DTD1: variants seen among roughly 807,000 people sequenced by gnomAD.
DTD1 encodes D-tyrosyl-tRNA deacylase 1 homolog.
In DTD1, 13 loss-of-function variants were observed where a neutral mutation model predicts 25.6. The ratio of observed to expected loss-of-function variants is 0.51; its 90% CI spans 0.33 to 0.81. The LOEUF (loss-of-function observed/expected upper bound fraction) is 0.81. DTD1 is among the 30% of genes least tolerant of loss of function. DTD1 has a pLI of 0.02. For synonymous variants in DTD1, 110 were observed against 103.6 expected, an observed-to-expected ratio of 1.06 and a Z score of -0.37; for missense variants, 193 against 266.4, an observed-to-expected ratio of 0.72 and a Z score of 1.92.
intron 5 of DTD1, among the ~76,000 whole-genome samples, chr20:18,754,318 CA>C (rs1262047735): frequency 2.0e-5 from 3 of 152,198 alleles, no homozygotes; most frequent in African/African-American, 7.2e-5. Flanking sequence ...ACTACTACAG[CA>C]GGTGGAGGAA....
chr20:18,603,172 A>G (rs2060642535), intron 3 of DTD1, among the ~76,000 whole-genome samples: 2 of 100,872 alleles, frequency 2.0e-5, no homozygotes, highest in African/African-American at 7.0e-5. Context: ...CAAAAGAGAC[A>G]AAGAAGGCCA....
intron 4 of DTD1, among the ~76,000 whole-genome samples, chr20:18,676,237 C>A (rs2060973962): frequency 6.6e-6 from 1 of 152,102 alleles, no homozygotes; most frequent in Non-Finnish European, 1.5e-5. Context: ...TCAAGAGCTC[C>A]TCTGTGATGT....
intron 4 of DTD1, among the ~76,000 whole-genome samples, chr20:18,640,307 A>G (rs534340261): frequency 2.6e-5 from 4 of 152,258 alleles, no homozygotes; most frequent in African/African-American, 9.6e-5. Flanking sequence ...TAGCATTTTT[A>G]TATCAATTTT....
At chr20:18,653,998 G>A (rs2060883139) in intron 4 of DTD1, among the ~76,000 whole-genome samples, 1 of 152,200 alleles carries the variant, frequency 6.6e-6, no homozygotes. Flanking sequence ...CAGTCTTTCA[G>A]GCTGCACTGC....
chr20:18,697,219 G>A (rs2061081289), intron 4 of DTD1, among the ~76,000 whole-genome samples: 1 of 150,014 alleles, frequency 6.7e-6, no homozygotes, highest in Non-Finnish European at 1.5e-5. Flanking sequence ...GCGACAGAGT[G>A]AGACTCTGTC....
Position 18,708,464 on chromosome 20 carries a change from T to C in DTD1, c.478-35636T>C, listed in dbSNP as rs193113502. Among the ~76,000 whole-genome samples the C allele has an allele frequency of 2.9e-4, 42 of 146,842 alleles. No individual in the cohort carries two copies. The East Asian group carries it at 5.2e-3, about 18-fold the overall frequency. ...TTCACCTCCCTGGTTCAAGCGATTC[T>C]CGTGCCTCAGCCTCCCAAGTAGCTG... On this transcript the variant is annotated intron_variant, in intron 4 of 5. Transcript: ENST00000377452.
At chr20:18,642,392 C>T (rs942824783) in intron 4 of DTD1, among the ~76,000 whole-genome samples, 2 of 152,078 alleles carry the variant, frequency 1.3e-5, no homozygotes, top group African/African-American at 2.4e-5. Flanking sequence ...TGTGATGCCT[C>T]TTGTACCTAT....
chr20:18,596,008 T>C lies in DTD1; in HGVS notation c.137T>C (p.Val46Ala), dbSNP rs200181178. Residue 46 changes from valine to alanine, a missense_variant and splice_region_variant, in exon 3 of 6, where the codon GTC becomes GCC. By Grantham distance (64) the Val-to-Ala change is moderately conservative. Coordinates refer to ENST00000377452, the MANE Select transcript of DTD1 (RefSeq NM_080820.6). ...EDTQKELEHM[V>A]RKILNLRVFE... ...CTCACTGCTCTTTTTCCCCTTAGGG[T>C]CCGAAAGATTCTAAACCTGCGTGTA... The C allele has an allele frequency of 3.6e-4, 579 of 1,613,720 alleles. No homozygotes were observed. Among genetic ancestry groups the C allele is most frequent in the Non-Finnish European group, 4.8e-4 (562 of 1,179,838 alleles).
At chr20:18,757,631 C>T (rs4622798) in intron 5 of DTD1, among the ~76,000 whole-genome samples, 36,659 of 152,038 alleles carry the variant, frequency 0.24, 4,840 homozygotes, top group East Asian at 0.35. Flanking sequence ...CCCACTTGAT[C>T]GTGGTGGATA....
chr20:18,661,520 C>T (rs890282609), intron 4 of DTD1, among the ~76,000 whole-genome samples: 11 of 151,952 alleles, frequency 7.2e-5, no homozygotes, highest in Non-Finnish European at 1.6e-4. Context: ...TACAGGTGCC[C>T]GCCAGCACGC....
At chr20:18,739,771 T>C (rs1207731538) in intron 4 of DTD1, among the ~76,000 whole-genome samples, 1 of 152,122 alleles carries the variant, frequency 6.6e-6, no homozygotes, top group Non-Finnish European at 1.5e-5. Flanking sequence ...AGCTGCTTTC[T>C]TGCTTTGAGA....
intron 4 of DTD1, among the ~76,000 whole-genome samples, chr20:18,661,302 T>C (rs2060908779): frequency 6.6e-6 from 1 of 152,012 alleles, no homozygotes; most frequent in African/African-American, 2.4e-5. Context: ...GGGAATTTGA[T>C]AGGAATTACA....
intron 4 of DTD1, among the ~76,000 whole-genome samples, chr20:18,638,029 C>T (rs966081964): frequency 7.9e-5 from 12 of 152,218 alleles, no homozygotes; most frequent in Admixed American, 2.0e-4. Flanking sequence ...GCCTTTCTTC[C>T]TGCCTTTGGC....
chr20:18,669,518 T>C (rs78106476), intron 4 of DTD1, among the ~76,000 whole-genome samples: 3,946 of 152,298 alleles, frequency 0.026, 179 homozygotes, highest in African/African-American at 0.09. Flanking sequence ...CCCCTTTTCC[T>C]TGGCTTTCTG....
chr20:18,726,798 T>C (rs2061223943), intron 4 of DTD1, among the ~76,000 whole-genome samples: 1 of 152,210 alleles, frequency 6.6e-6, no homozygotes. Flanking sequence ...ATTAATACCA[T>C]GCATTGTACT....
chr20:18,707,340 A>T (rs1429283604), intron 4 of DTD1, among the ~76,000 whole-genome samples: 1 of 152,204 alleles, frequency 6.6e-6, no homozygotes, highest in Non-Finnish European at 1.5e-5. Flanking sequence ...CCACACACAC[A>T]GTTGTTGTTT....
intron 4 of DTD1, among the ~76,000 whole-genome samples, chr20:18,717,824 C>T (rs2061187187): frequency 6.6e-6 from 1 of 152,072 alleles, no homozygotes; most frequent in African/African-American, 2.4e-5. Context: ...TCTCATTAAC[C>T]AGCCATTGCA....
intron 4 of DTD1, among the ~76,000 whole-genome samples, chr20:18,651,810 A>G (rs2060875157): frequency 2.0e-5 from 3 of 152,228 alleles, no homozygotes; most frequent in Admixed American, 6.5e-5. Context: ...CCAAAAGTCC[A>G]AGATCTAGGC....
intron 3 of DTD1, among the ~76,000 whole-genome samples, chr20:18,613,375 G>A (rs759976741): frequency 2.6e-5 from 4 of 152,154 alleles, no homozygotes; most frequent in East Asian, 1.9e-4. Flanking sequence ...CCTGCTCTGC[G>A]AAACTGTTGC....
Sources: gnomAD v4.1 joint callset for allele counts (sites outside exome capture counted in the v4.1 genomes callset) on GRCh38, gnomAD v4.1.1 for gene constraint, MANE v1.5 for transcripts, NCBI Gene and HGNC (gene_info 2026-07-23, HGNC 2026-07-21) for gene names.